MBNL2: variants seen among roughly 807,000 people sequenced by gnomAD.
The protein encoded by MBNL2 is muscleblind-like protein 2.
A neutral mutation model predicts 41.9 loss-of-function variants in MBNL2; 17 were observed. The ratio of observed to expected loss-of-function variants is 0.41; its 90% CI spans 0.28 to 0.61. The LOEUF (loss-of-function observed/expected upper bound fraction) is 0.61, where lower values mean the gene tolerates loss of function less well. MBNL2 is among the 20% of genes least tolerant of loss of function. The pLI, the probability that MBNL2 is intolerant of heterozygous loss-of-function variation, is 0.35. For synonymous variants in MBNL2, 195 were observed against 182.9 expected (o/e 1.07, Z -0.53); for missense variants, 336 against 505.6 (o/e 0.66, Z 3.22).
chr13:97,188,344 G>A, the MBNL2 span, among the ~76,000 whole-genome samples: 1 of 152,100 alleles, frequency 6.6e-6, no homozygotes, highest in Admixed American at 6.5e-5. Flanking sequence ...GTACACTCAT[G>A]CACAAATATC....
chr13:97,156,830 G>C, the MBNL2 span, among the ~76,000 whole-genome samples: 1 of 152,198 alleles, frequency 6.6e-6, no homozygotes, highest in South Asian at 2.1e-4. Flanking sequence ...CAGGTATTGT[G>C]ATGCCTCCAG....
chr13:97,286,814 C>A (rs4771269), intron 2 of MBNL2, among the ~76,000 whole-genome samples: 3,409 of 152,276 alleles, frequency 0.022, 59 homozygotes, highest in Middle Eastern at 0.065. Context: ...TGCTTAAATG[C>A]CACGTTTGCT....
At chr13:97,192,518 T>C in the MBNL2 span, among the ~76,000 whole-genome samples, 2 of 152,232 alleles carry the variant, frequency 1.3e-5, no homozygotes, top group Admixed American at 6.5e-5. Flanking sequence ...CAGAGGAAAT[T>C]GAACTCCTCA....
chr13:97,185,483 T>C, the MBNL2 span, among the ~76,000 whole-genome samples: 2 of 152,184 alleles, frequency 1.3e-5, no homozygotes, highest in Admixed American at 1.3e-4. Flanking sequence ...AATCTTGAGA[T>C]CTGAAGATTA....
At chr13:97,231,822 A>G (rs1293819932) in intron 1 of MBNL2, among the ~76,000 whole-genome samples, 1 of 151,836 alleles carries the variant, frequency 6.6e-6, no homozygotes, top group Non-Finnish European at 1.5e-5. Flanking sequence ...TATTATCCTA[A>G]GGAATATATG....
chr13:97,153,356 A>G, the MBNL2 span, among the ~76,000 whole-genome samples: 3 of 152,072 alleles, frequency 2.0e-5, no homozygotes, highest in African/African-American at 7.2e-5. Context: ...TGGAGGGGGA[A>G]GAAGTGAAAA....
At chr13:97,208,442 C>T in the MBNL2 span, among the ~76,000 whole-genome samples, 1 of 152,170 alleles carries the variant, frequency 6.6e-6, no homozygotes, top group African/African-American at 2.4e-5. Flanking sequence ...TTTGTGGAAC[C>T]CACAGCTTGG....
chr13:97,333,664 T>C (rs2060609597), intron 2 of MBNL2, among the ~76,000 whole-genome samples: 1 of 152,234 alleles, frequency 6.6e-6, no homozygotes, highest in African/African-American at 2.4e-5. Context: ...AAAGAAAGAA[T>C]GTCTTCAGCT....
At chr13:97,317,125 C>T (rs1214503928) in intron 2 of MBNL2, among the ~76,000 whole-genome samples, 1 of 152,094 alleles carries the variant, frequency 6.6e-6, no homozygotes, top group Non-Finnish European at 1.5e-5. Flanking sequence ...GGGTATGTAT[C>T]TAGGGCTGGG....
At chr13:97,217,677 G>T (rs1480171935), upstream of MBNL2, among the ~76,000 whole-genome samples, 1 of 152,156 alleles carries the variant, frequency 6.6e-6, no homozygotes, top group Non-Finnish European at 1.5e-5. Flanking sequence ...TCAAGAGGAG[G>T]GTGAAAGAAG....
At chr13:97,172,199 G>C in the MBNL2 span, among the ~76,000 whole-genome samples, 2 of 152,156 alleles carry the variant, frequency 1.3e-5, no homozygotes, top group African/African-American at 4.8e-5. Flanking sequence ...CAGCCACAGA[G>C]TGCTTAAGGA....
At chr13:97,173,053 G>A in the MBNL2 span, among the ~76,000 whole-genome samples, 1 of 152,158 alleles carries the variant, frequency 6.6e-6, no homozygotes, top group Non-Finnish European at 1.5e-5. Flanking sequence ...AAATGAGTAT[G>A]GAAGAAAAGT....
At chr13:97,163,477 A>G in the MBNL2 span, among the ~76,000 whole-genome samples, 1 of 152,150 alleles carries the variant, frequency 6.6e-6, no homozygotes, top group African/African-American at 2.4e-5. Flanking sequence ...AAGGGGACTG[A>G]TCTCCAAAAC....
At chr13:97,188,357 G>A in the MBNL2 span, among the ~76,000 whole-genome samples, 1 of 152,078 alleles carries the variant, frequency 6.6e-6, no homozygotes, top group Non-Finnish European at 1.5e-5. Context: ...CAAATATCAG[G>A]AATTATCACC....
chr13:97,279,542 T>G (rs1453896044), intron 2 of MBNL2, among the ~76,000 whole-genome samples: 3 of 152,186 alleles, frequency 2.0e-5, no homozygotes, highest in South Asian at 2.1e-4. Flanking sequence ...AGTCCAAACT[T>G]TCAAGAATTA....
At chr13:97,201,328 A>C in the MBNL2 span, among the ~76,000 whole-genome samples, 1 of 152,214 alleles carries the variant, frequency 6.6e-6, no homozygotes, top group Non-Finnish European at 1.5e-5. Context: ...AAGTATGATT[A>C]TACTTATAAT....
the MBNL2 span, among the ~76,000 whole-genome samples, chr13:97,174,373 G>A: frequency 6.6e-5 from 10 of 152,156 alleles, no homozygotes; most frequent in East Asian, 7.7e-4. Context: ...ACCTCTACTC[G>A]CTCCTCCAAA....
At chr13:97,277,044 G>T (rs1230923960) in intron 2 of MBNL2, among the ~76,000 whole-genome samples, 1 of 152,154 alleles carries the variant, frequency 6.6e-6, no homozygotes, top group Non-Finnish European at 1.5e-5. Flanking sequence ...GCAAGAAGGG[G>T]ACACATGCCT....
At chr13:97,311,174 A>G (rs1035111624) in intron 2 of MBNL2, among the ~76,000 whole-genome samples, 2 of 152,226 alleles carry the variant, frequency 1.3e-5, no homozygotes, top group Admixed American at 1.3e-4. Context: ...ATGAAAGTGC[A>G]GAACTGTAAA....
Sources: gnomAD v4.1 joint callset for allele counts (sites outside exome capture counted in the v4.1 genomes callset) on GRCh38, gnomAD v4.1.1 for gene constraint, MANE v1.5 for transcripts, NCBI Gene and HGNC (gene_info 2026-07-23, HGNC 2026-07-21) for gene names.